The following LRRC7 variants were observed in gnomAD, a reference collection of about 807,000 sequenced individuals.
The protein encoded by LRRC7 is leucine rich repeat containing 7, also known as leucine-rich repeat-containing protein 7.
LRRC7 carries 23 observed loss-of-function variants against 175.7 expected under a neutral mutation model. That is an observed-to-expected ratio of 0.13 (90% confidence interval 0.09 to 0.19). The LOEUF is 0.19. Among genes scored for constraint, LRRC7 ranks in the 10% least tolerant of loss-of-function variants. The probability of loss-of-function intolerance (pLI) is 1.00; values close to 1 mark genes in which losing one functional copy is unlikely to be tolerated. For missense variants in LRRC7, 1,354 were observed against 1,904.7 expected (o/e 0.71, Z 5.38); for synonymous variants, 685 against 680.9 (o/e 1.01, Z -0.09).
chr1:69,810,821 T>C (rs909860157), intron 4 of LRRC7, among the ~76,000 whole-genome samples: 3 of 152,090 alleles, frequency 2.0e-5, no homozygotes, highest in Admixed American at 1.3e-4. Context: ...ATAAAAACCC[T>C]AGAAGAAAAC....
intron 1 of LRRC7, among the ~76,000 whole-genome samples, chr1:69,670,703 G>A (rs1007318607): frequency 3.9e-5 from 6 of 152,142 alleles, no homozygotes; most frequent in African/African-American, 1.2e-4. Context: ...TACTGTAGGT[G>A]AGCTGGCAGT....
At chr1:69,857,045 C>T (rs1683735607) in intron 7 of LRRC7, among the ~76,000 whole-genome samples, 1 of 152,098 alleles carries the variant, frequency 6.6e-6, no homozygotes, top group Non-Finnish European at 1.5e-5. Flanking sequence ...CAGAAAAGGC[C>T]TTCAACAAAA....
chr1:70,060,404 A>G (rs1216755869), intron 23 of LRRC7, among the ~76,000 whole-genome samples: 2 of 152,192 alleles, frequency 1.3e-5, no homozygotes, highest in Non-Finnish European at 2.9e-5. Context: ...GAAAAGAAAT[A>G]TTGCTATCAG....
intron 3 of LRRC7, among the ~76,000 whole-genome samples, chr1:69,776,338 G>T (rs888136320): frequency 2.6e-5 from 4 of 152,046 alleles, no homozygotes; most frequent in African/African-American, 9.7e-5. Context: ...ATACAGTAAA[G>T]AATACAAAAA....
chr1:69,725,614 A>C (rs1666868411), intron 2 of LRRC7, among the ~76,000 whole-genome samples: 1 of 152,208 alleles, frequency 6.6e-6, no homozygotes, highest in Non-Finnish European at 1.5e-5. Context: ...CATACACTCA[A>C]GGTGCCTAAA....
chr1:70,023,180 CCTGCCAGACTGT>C lies in LRRC7; in HGVS notation c.1604_1615del (p.Ala535_Ser538del). The stretch of plus-strand genomic sequence containing the variant: ...GGGCCAGCGTGGGATTACTCTCCAA[CCTGCCAGACTGT>C]CTGGCGATTGCTGCACACCATGGGC... On this transcript the variant is annotated inframe_deletion, in exon 17 of 27. Coordinates refer to ENST00000651989, the MANE Select transcript of LRRC7 (RefSeq NM_001370785.2). The C allele has an allele frequency of 3.2e-6, 5 of 1,549,974 alleles. 1 individual carries two copies. Among genetic ancestry groups the C allele is most frequent in the South Asian group, 2.5e-5 (2 of 81,206 alleles).
At chr1:69,664,707 C>T (rs1412338199) in intron 1 of LRRC7, among the ~76,000 whole-genome samples, 2 of 151,860 alleles carry the variant, frequency 1.3e-5, no homozygotes, top group Non-Finnish European at 2.9e-5. Flanking sequence ...GTTATTAATC[C>T]CTTGTCAGAT....
At chr1:69,919,662 C>T (rs1029316067) in intron 7 of LRRC7, 4 of 933,928 alleles carry the variant, frequency 4.3e-6, no homozygotes, top group Non-Finnish European at 7.0e-6. Context: ...GACTTTGAGT[C>T]TCCGGCCTCA....
chr1:69,695,312 C>A (rs768719826), intron 2 of LRRC7, among the ~76,000 whole-genome samples: 5 of 152,142 alleles, frequency 3.3e-5, no homozygotes, highest in Non-Finnish European at 5.9e-5. Context: ...CAGAAGAAAT[C>A]TATAAGCAGA....
At chr1:70,108,105 TTA>T (rs1007414688) in intron 26 of LRRC7, among the ~76,000 whole-genome samples, 4 of 148,848 alleles carry the variant, frequency 2.7e-5, no homozygotes, top group Non-Finnish European at 3.0e-5. Flanking sequence ...AATATATATA[TTA>T]TATATATATA....
intron 3 of LRRC7, among the ~76,000 whole-genome samples, chr1:69,778,214 C>G (rs1395000791): frequency 6.6e-6 from 1 of 152,180 alleles, no homozygotes; most frequent in Non-Finnish European, 1.5e-5. Flanking sequence ...CTCCATATTA[C>G]CATGTATACA....
At chr1:70,009,673 C>G (rs995143979) in intron 11 of LRRC7, among the ~76,000 whole-genome samples, 4 of 152,124 alleles carry the variant, frequency 2.6e-5, no homozygotes, top group Non-Finnish European at 4.4e-5. Flanking sequence ...AAAGAATCTC[C>G]AGCTTAGAGA....
At chr1:69,805,083 T>A (rs1676954816) in intron 4 of LRRC7, among the ~76,000 whole-genome samples, 1 of 151,764 alleles carries the variant, frequency 6.6e-6, no homozygotes. Flanking sequence ...TATACAAGAA[T>A]GGATTTGCAC....
intron 3 of LRRC7, among the ~76,000 whole-genome samples, chr1:69,767,309 A>G (rs1009829930): frequency 2.0e-5 from 3 of 152,174 alleles, no homozygotes; most frequent in East Asian, 1.9e-4. Context: ...AAAATTTGTT[A>G]TAAAATGTTA....
At chr1:69,578,868 A>C (rs2100907878) in intron 1 of LRRC7, among the ~76,000 whole-genome samples, 1 of 150,290 alleles carries the variant, frequency 6.7e-6, no homozygotes, top group African/African-American at 2.4e-5. Flanking sequence ...GGTGCAGCAC[A>C]CCAGCATGGC....
chr1:70,108,107 A>T (rs1251563965), intron 26 of LRRC7, among the ~76,000 whole-genome samples: 1 of 149,034 alleles, frequency 6.7e-6, no homozygotes, highest in Non-Finnish European at 1.5e-5. Context: ...TATATATATT[A>T]TATATATATA....
chr1:70,050,041 T>C (rs1289691631), intron 22 of LRRC7, among the ~76,000 whole-genome samples: 1 of 152,102 alleles, frequency 6.6e-6, no homozygotes, highest in Non-Finnish European at 1.5e-5. Flanking sequence ...ACCCATCAAT[T>C]AGCAAAGCTG....
chr1:70,053,662 T>A (rs1387099355), intron 23 of LRRC7, among the ~76,000 whole-genome samples: 5 of 151,802 alleles, frequency 3.3e-5, no homozygotes, highest in Non-Finnish European at 5.9e-5. Flanking sequence ...GTGTGCTGAG[T>A]GATAAGTAGG....
chr1:69,671,386 T>C (rs1349427264), intron 1 of LRRC7, among the ~76,000 whole-genome samples: 1 of 152,144 alleles, frequency 6.6e-6, no homozygotes, highest in Non-Finnish European at 1.5e-5. Context: ...CAAAGTTTTC[T>C]TACTCTTTTC....
Sources: gnomAD v4.1 joint callset for allele counts (sites outside exome capture counted in the v4.1 genomes callset) on GRCh38, gnomAD v4.1.1 for gene constraint, MANE v1.5 for transcripts, NCBI Gene and HGNC (gene_info 2026-07-23, HGNC 2026-07-21) for gene names.